KHDC4: variants seen among roughly 807,000 people sequenced by gnomAD.
The protein encoded by KHDC4 is KH homology domain-containing protein 4.
In KHDC4, 19 loss-of-function variants were observed where a neutral mutation model predicts 74.5. The observed-to-expected ratio is 0.26, with a 90% CI of 0.18 to 0.37. The LOEUF (loss-of-function observed/expected upper bound fraction) is 0.37, where lower values mean the gene tolerates loss of function less well. KHDC4 is among the 10% of genes least tolerant of loss of function. KHDC4 has a pLI of 1.00. For missense variants in KHDC4, 632 were observed against 754.1 expected (o/e 0.84, Z 1.90); for synonymous variants, 253 against 266.1 (o/e 0.95, Z 0.48).
chr1:155,931,244 T>C (rs1202738201), intron 2 of KHDC4, among the ~76,000 whole-genome samples: 1 of 143,138 alleles, frequency 7.0e-6, no homozygotes, highest in Non-Finnish European at 1.5e-5. Flanking sequence ...AAGCAGTGAT[T>C]GTGCCACTGA....
chr1:155,924,941 G>A (rs1327891202), intron 7 of KHDC4, among the ~76,000 whole-genome samples: 1 of 151,734 alleles, frequency 6.6e-6, no homozygotes, highest in Non-Finnish European at 1.5e-5. Flanking sequence ...ACAGCTACCT[G>A]CAGCCTTAAT....
Position 155,925,826 on chromosome 1 carries a change from A to T in KHDC4, c.699T>A (p.Asp233Glu). 1 of 1,612,454 alleles carries T rather than the reference A, an allele frequency of 6.2e-7. No individual in the cohort carries two copies. Among genetic ancestry groups the T allele is most frequent in the Middle Eastern group, 1.7e-4 (1 of 6,058 alleles). Residue 233 changes from aspartate to glutamate, a missense_variant, in exon 7 of 14, where the codon GAT becomes GAA. By Grantham distance (45) the Asp-to-Glu change is conservative. Around this residue, in one of 4 missense-constraint regions of KHDC4, gnomAD observed 233 missense variants for 342.6 expected, o/e 0.68. Transcript: ENST00000368321. The part of the protein sequence containing the change: ...PFQSGMHYVQ[D>E]KLFVGLEHAV... ...CATGTTCTAGACCCACAAATAATTT[A>T]TCTTGAACATAATGCATCTGTAGGA...
chr1:155,922,088 G>GAT (rs397777292), intron 8 of KHDC4, 170 bp from the exon 9 acceptor site: 1 of 403,320 alleles, frequency 2.5e-6, no homozygotes, highest in Non-Finnish European at 4.4e-6. Context: ...TTTTGAGACA[G>GAT]TCTTGCTCTG....
At chr1:155,926,203 C>G (rs1673990780) in intron 6 of KHDC4, 6 of 428,510 alleles carry the variant, frequency 1.4e-5, no homozygotes, top group Non-Finnish European at 2.7e-5. Flanking sequence ...AATGTGTGAT[C>G]AGGTGTTCAT....
chr1:155,915,990 C>A (rs1275854883), intron 12 of KHDC4, 26 bp from the exon 13 acceptor site: 21 of 1,432,950 alleles, frequency 1.5e-5, no homozygotes, highest in Non-Finnish European at 2.0e-5. Context: ...ATGAAACTTT[C>A]TTTCAGACAA....
intron 11 of KHDC4, among the ~76,000 whole-genome samples, chr1:155,917,118 C>A (rs948860253): frequency 1.3e-5 from 2 of 152,042 alleles, no homozygotes; most frequent in African/African-American, 4.8e-5. Flanking sequence ...AATTAAGAAT[C>A]TTTTTAACTT....
intron 2 of KHDC4, among the ~76,000 whole-genome samples, chr1:155,930,113 G>A (rs1205806097): frequency 6.6e-6 from 1 of 151,978 alleles, no homozygotes; most frequent in Non-Finnish European, 1.5e-5. Flanking sequence ...GGGTTTCACC[G>A]TGTTGGCCAG....
rs1440385617 is a variant in KHDC4 at position 155,914,455 on chromosome 1, T to C, written c.1646-135A>G. ...CACCATTTTGAGGTCACAGGGTCAA[T>C]GGTCACCCAAAAACGTTGAAGATCA... On this transcript the variant is annotated intron_variant, in intron 13 of 13. Coordinates refer to ENST00000368321, the MANE Select transcript of KHDC4 (RefSeq NM_014949.4). The C allele has an allele frequency of 3.5e-5, 24 of 683,712 alleles. No homozygotes were observed. In the East Asian group the frequency reaches 5.7e-4, roughly 16 times the overall value. The allele number at this position is 683,712 out of a possible 1,614,324, so 42.4% of individuals were successfully genotyped here.
At position 155,921,525 on chromosome 1, in the gene KHDC4, C is replaced by T. The variant is rs751289168; in HGVS notation, c.1116G>A (p.Gln372=). 1 of 1,614,052 alleles carries T rather than the reference C, an allele frequency of 6.2e-7. No homozygotes were observed. Among genetic ancestry groups the T allele is most frequent in the East Asian group, 2.2e-5 (1 of 44,874 alleles). ...GTACTCCGTAGGGAGGTTGAACTGGCTGCTGAGGAGGGGGAACAACAGGGT... is the reference window on the plus strand; with the variant it reads ...GTACTCCGTAGGGAGGTTGAACTGGTTGCTGAGGAGGGGGAACAACAGGGT... ...SGYPVVPPPQ[Q]PVQPPYGVPS... The change falls in exon 10 of 14, where the codon CAG becomes CAA. Residue 372 remains glutamine, a synonymous_variant. Transcript: ENST00000368321.
chr1:155,923,162 G>T (rs567375863), intron 8 of KHDC4, among the ~76,000 whole-genome samples: 1 of 149,792 alleles, frequency 6.7e-6, no homozygotes, highest in Non-Finnish European at 1.5e-5. Context: ...CCGAGATCCC[G>T]CCACTGCACT....
rs764637001 is a variant in KHDC4, at chr1:155,926,599, G to A, written c.681+77C>T. 131 of 1,492,936 alleles carry A rather than the reference G, an allele frequency of 8.8e-5. 2 individuals are homozygous for A. The East Asian group carries it at 2.8e-3, about 32-fold the overall frequency. The allele number at this position is 1,492,936 out of a possible 1,614,324, so 92.5% of individuals were successfully genotyped here. A position where few individuals can be genotyped will look rare whatever the true frequency, so the allele number is the denominator to read the frequency against. ...CCCAAAGTGCTGGGATTACAGGAAT[G>A]AGCCACTGTGCCTGGCCAGCACATA... On this transcript the variant is annotated intron_variant, in intron 6 of 13. Transcript: ENST00000368321.
At chr1:155,921,332 T>C in intron 10 of KHDC4, 43 bp downstream of exon 10, 1 of 1,598,338 alleles carries the variant, frequency 6.3e-7, no homozygotes, top group Non-Finnish European at 8.6e-7. Flanking sequence ...CCCCAGTTTT[T>C]CCTAAATTCA....
In KHDC4 at chr1:155,913,989, G is replaced by A. The variant is rs1673679473; in HGVS notation, c.*132C>T. ...TGTTAAGGAACCCCTTTAAGAAAGGGGGGCACTGAATCTCTAACTTCTGCA... is the reference window on the plus strand; with the variant it reads ...TGTTAAGGAACCCCTTTAAGAAAGGAGGGCACTGAATCTCTAACTTCTGCA... On this transcript the variant is annotated 3_prime_UTR_variant, in exon 14 of 14. Coordinates refer to ENST00000368321, the MANE Select transcript of KHDC4 (RefSeq NM_014949.4). 1.4e-6 allele frequency: 1 copy of A among 698,714 alleles called. No individual in the cohort carries two copies. The highest frequency in any genetic ancestry group is 1.8e-5 in the African/African-American group (1 of 55,864). The allele number at this position is 698,714 out of a possible 1,614,324, so 43.3% of individuals were successfully genotyped here.
At chr1:155,926,269 C>T (rs891700708) in intron 6 of KHDC4, among the ~76,000 whole-genome samples, 2 of 148,562 alleles carry the variant, frequency 1.3e-5, no homozygotes, top group African/African-American at 5.0e-5. Flanking sequence ...AGGTAACTTT[C>T]GGGATTGGAA....
intron 7 of KHDC4, 138 bp downstream of exon 7, chr1:155,925,494 G>A (rs1170222463): frequency 4.3e-6 from 3 of 696,678 alleles, no homozygotes; most frequent in Admixed American, 5.1e-5. Flanking sequence ...TAATTATAAA[G>A]TAATTACTCC....
chr1:155,928,592 A>T (rs12410513), intron 4 of KHDC4, among the ~76,000 whole-genome samples: 1 of 41,476 alleles, frequency 2.4e-5, no homozygotes, highest in Admixed American at 3.5e-4. Context: ...CATCATAAAG[A>T]CAAAAAAAAA....
At position 155,921,636 on chromosome 1, in the gene KHDC4, G is replaced by C. The variant is rs1297006940; in HGVS notation, c.1013-8C>G. 1 of 1,594,810 alleles carries C rather than the reference G, an allele frequency of 6.3e-7. No homozygotes were observed. The highest frequency in any genetic ancestry group is 1.7e-4 in the Middle Eastern group (1 of 5,906). ...CAGAGGGTTGTGTATAGCCTGAGGG[G>C]GAAGAAAAAAAGTGTTTAATCAGCT... On this transcript the variant is annotated splice_polypyrimidine_tract_variant and splice_region_variant and intron_variant, in intron 9 of 13. Coordinates refer to ENST00000368321, the MANE Select transcript of KHDC4 (RefSeq NM_014949.4).
chr1:155,929,666 T>G, intron 3 of KHDC4, 46 bp downstream of exon 3: 1 of 1,586,646 alleles, frequency 6.3e-7, no homozygotes, highest in Non-Finnish European at 8.5e-7. Context: ...CTTCTTTATC[T>G]GAATCCACTC....
In KHDC4 at chr1:155,927,524, G is replaced by C. The variant is rs12021508; in HGVS notation, c.465-368C>G. 2.5e-3 allele frequency among the ~76,000 whole-genome samples: 387 copies of C among 152,222 alleles called. 6 individuals are homozygous for C. The East Asian group carries it at 0.044, about 17-fold the overall frequency. Reference sequence around the variant, plus strand: ...TCGTCTATCCAAATCAATGGGGCAAGCTGGGTGCTGTGGCTCATGTCTGTA... The same window carrying C: ...TCGTCTATCCAAATCAATGGGGCAACCTGGGTGCTGTGGCTCATGTCTGTA... On this transcript the variant is annotated intron_variant, in intron 4 of 13. Transcript: ENST00000368321.
Sources: allele counts gnomAD v4.1 joint callset (sites outside exome capture counted in the v4.1 genomes callset), GRCh38; gene constraint gnomAD v4.1.1; regional missense constraint gnomAD v4.1.1; transcripts MANE v1.5; gene names NCBI Gene and HGNC (gene_info 2026-07-23, HGNC 2026-07-21).